Variants in EP400 observed in about 807,000 individuals in gnomAD.
The protein encoded by EP400 is E1A binding protein p400.
In EP400, 105 loss-of-function variants were observed where a neutral mutation model predicts 354.1. The ratio of observed to expected loss-of-function variants is 0.30; its 90% confidence interval spans 0.25 to 0.35. The LOEUF is 0.35. EP400 is among the 10% of genes least tolerant of loss of function. EP400 has a pLI of 1.00. For missense variants in EP400, 3,280 were observed against 4,121.0 expected (o/e 0.80, Z 5.59); for synonymous variants, 1,646 against 1,716.9 (o/e 0.96, Z 1.02).
rs1593346848 is a variant in EP400, at chr12:132,013,993, G to C, written c.3923+80G>C. The C allele has an allele frequency of 4.5e-6, 7 of 1,562,852 alleles. No individual in the cohort carries two copies. The East Asian group carries it at 1.6e-4, about 35-fold the overall frequency. ...AACGGCCCTTTCTGTGGCCTCAGCA[G>C]AAAGCTCCTTTCCGCAAGGATTGGG... On this transcript the variant is annotated intron_variant, in intron 19 of 52. Coordinates refer to ENST00000389561, the MANE Select transcript of EP400 (RefSeq NM_015409.5). This position sits in a 1 kb window ranked among gnomAD's most constrained non-coding sequence, Gnocchi z 4.5.
chr12:132,074,186 AAG>A, intron 51 of EP400, among the ~76,000 whole-genome samples: 1 of 152,048 alleles, frequency 6.6e-6, no homozygotes, highest in Non-Finnish European at 1.5e-5. Context: ...CGGCCTCCCA[AAG>A]TGCTGGGATT....
Position 132,030,040 on chromosome 12 carries a change from G to A in EP400, c.5636G>A (p.Arg1879His), listed in dbSNP as rs376569991. 1.2e-5 allele frequency: 19 copies of A among 1,614,128 alleles called. No individual in the cohort carries two copies. The highest frequency in any genetic ancestry group is 6.7e-5 in the East Asian group (3 of 44,894). The change falls in exon 29 of 53, where the codon CGT becomes CAT. Residue 1879 changes from arginine to histidine, a missense_variant. Arg to His is a conservative substitution (Grantham distance 29). Coordinates refer to ENST00000389561, the MANE Select transcript of EP400 (RefSeq NM_015409.5). ...ILLQKLKSEG[R>H]RVLILSQMIL... ...CTTCAGAAATTGAAATCTGAAGGACGTCGGGTGCTGATTTTATCACAGATG... is the reference window on the plus strand; with the variant it reads ...CTTCAGAAATTGAAATCTGAAGGACATCGGGTGCTGATTTTATCACAGATG...
rs762539758 is a variant in EP400, at chr12:132,027,512, C to G, written c.5090C>G (p.Pro1697Arg). 1 of 1,613,098 alleles carries G rather than the reference C, an allele frequency of 6.2e-7. No homozygotes were observed. The highest frequency in any genetic ancestry group is 8.5e-7 in the Non-Finnish European group (1 of 1,179,520). Residue 1697 changes from proline (P) to arginine (R), a missense_variant, in exon 26 of 53, where the codon CCC becomes CGC. Physicochemically the swap from Pro to Arg is moderately radical, Grantham distance 103. This residue lies in a region of EP400 where 459 missense variants were observed against 496.9 expected (regional missense o/e 0.92). Transcript: ENST00000389561. The surrounding 1 kb of genome is among the most constrained non-coding windows in gnomAD (Gnocchi z 4.9). The part of the protein sequence containing the change: ...EPGTASKPAS[P>R]IGGPTQEEKT... Reference sequence around the variant, plus strand: ...GGAACGGCCTCCAAACCAGCTTCTCCCATTGGAGGGCCGACCCAGGTAAGC... The same window carrying G: ...GGAACGGCCTCCAAACCAGCTTCTCGCATTGGAGGGCCGACCCAGGTAAGC...
At chr12:131,970,686 C>G (rs1392851315) in intron 2 of EP400, among the ~76,000 whole-genome samples, 3 of 152,202 alleles carry the variant, frequency 2.0e-5, no homozygotes, top group African/African-American at 7.2e-5. Context: ...GACACACACC[C>G]ACAGGTGGTG....
chr12:131,950,279 C>G (rs768555683), intron 1 of EP400, among the ~76,000 whole-genome samples: 1 of 152,116 alleles, frequency 6.6e-6, no homozygotes, highest in African/African-American at 2.4e-5. Context: ...GTCGCGCGAT[C>G]CGCGCCCATT....
chr12:132,065,255 C>T, intron 48 of EP400: 1 of 277,734 alleles, frequency 3.6e-6, no homozygotes, highest in Non-Finnish European at 6.9e-6. Flanking sequence ...TAGGCATGGG[C>T]AGGTGGCGGT....
chr12:132,017,816 C>T lies in EP400; in HGVS notation c.4110+95C>T. On this transcript the variant is annotated intron_variant, in intron 20 of 52. Coordinates refer to ENST00000389561, the MANE Select transcript of EP400 (RefSeq NM_015409.5). This position sits in a 1 kb window ranked among gnomAD's most constrained non-coding sequence, Gnocchi z 5.0. Reference sequence around the variant, plus strand: ...TTCTTGGAAATGGGTTCTCAACCAGCTCTTCTGCAATTGCAATTGCAGCTC... The same window carrying T: ...TTCTTGGAAATGGGTTCTCAACCAGTTCTTCTGCAATTGCAATTGCAGCTC... 1.5e-6 allele frequency: 2 copies of T among 1,336,234 alleles called. No individual in the cohort carries two copies. The highest frequency in any genetic ancestry group is 2.0e-6 in the Non-Finnish European group (2 of 1,001,560). The allele number at this position is 1,336,234 out of a possible 1,614,324, so 82.8% of individuals were successfully genotyped here. A position where few individuals can be genotyped will look rare whatever the true frequency, so the allele number is the denominator to read the frequency against.
chr12:131,961,014 A>G lies in EP400; in HGVS notation c.395A>G (p.Gln132Arg). The G allele has an allele frequency of 6.2e-7, 1 of 1,601,830 alleles. No individual in the cohort carries two copies. Among genetic ancestry groups the G allele is most frequent in the Non-Finnish European group, 8.5e-7 (1 of 1,174,664 alleles). ...QVTSPLSQQV[Q>R]TQSPTQPSPG... is the part of the protein sequence containing the mutation. ...ACGTCCCCCTTGTCCCAGCAGGTCC[A>G]GACCCAGAGTCCCACGCAGCCCAGT... Residue 132 changes from glutamine to arginine, a missense_variant, in exon 2 of 53, where the codon CAG becomes CGG. This residue lies in a region of EP400 where 172 missense variants were observed against 242.9 expected (regional missense o/e 0.71). Transcript: ENST00000389561.
At chr12:131,960,542 T>A in intron 1 of EP400, 43 bp from the exon 2 acceptor site, 1 of 1,487,116 alleles carries the variant, frequency 6.7e-7, no homozygotes, top group Non-Finnish European at 9.0e-7. Context: ...ATAAAACAGT[T>A]ATGTGTGCCT....
At chr12:132,026,886 G>A (rs1026341770) in intron 25 of EP400, among the ~76,000 whole-genome samples, 2 of 152,244 alleles carry the variant, frequency 1.3e-5, no homozygotes, top group African/African-American at 4.8e-5. Context: ...GCACTAAGTG[G>A]CATGGCTTCT....
At chr12:131,963,870 G>A (rs549718876) in intron 2 of EP400, among the ~76,000 whole-genome samples, 9 of 152,204 alleles carry the variant, frequency 5.9e-5, no homozygotes, top group South Asian at 2.1e-4. Flanking sequence ...CTTGTAATGC[G>A]GTAGTAGCTT....
intron 38 of EP400, 56 bp from the exon 39 acceptor site, chr12:132,045,671 A>G (rs1895071457): frequency 1.2e-6 from 2 of 1,606,190 alleles, no homozygotes; most frequent in Admixed American, 3.4e-5. Flanking sequence ...GGCAAGAGGG[A>G]AGACCTTCTG....
chr12:131,955,833 C>T (rs1341064358), intron 1 of EP400, among the ~76,000 whole-genome samples: 3 of 150,964 alleles, frequency 2.0e-5, no homozygotes, highest in African/African-American at 7.3e-5. Context: ...TTAGTAGAGA[C>T]GGGGGTTTCA....
At chr12:131,988,535 T>C (rs1288188983) in intron 7 of EP400, among the ~76,000 whole-genome samples, 1 of 152,204 alleles carries the variant, frequency 6.6e-6, no homozygotes, top group Non-Finnish European at 1.5e-5. Flanking sequence ...CTCCTGCCCT[T>C]CCTCCTGGGC....
chr12:132,018,154 TTA>T lies in EP400; in HGVS notation c.4111-55_4111-54del. ...CTGCCATAGAAATCAGTTTTGATTC[TTA>T]GGTGCTTTTTTTGCCTCTTCATGCA... On this transcript the variant is annotated intron_variant, in intron 20 of 52. Coordinates refer to ENST00000389561, the MANE Select transcript of EP400 (RefSeq NM_015409.5). This position sits in a 1 kb window ranked among gnomAD's most constrained non-coding sequence, Gnocchi z 4.0. 1 of 1,597,168 alleles carries T rather than the reference TTA, an allele frequency of 6.3e-7. No homozygotes were observed. Among genetic ancestry groups the T allele is most frequent in the South Asian group, 1.1e-5 (1 of 87,654 alleles).
Position 131,990,584 on chromosome 12 carries a change from T to C in EP400, c.2551-52T>C. ...TTTAGTGTTTTGTATGCAGAACGTC[T>C]GTAATTCCCATCCTTAGTAATGTGC... On this transcript the variant is annotated intron_variant, in intron 8 of 52. Transcript: ENST00000389561. This position sits in a 1 kb window ranked among gnomAD's most constrained non-coding sequence, Gnocchi z 4.2. 7.3e-7 allele frequency: 1 copy of C among 1,364,030 alleles called. No homozygotes were observed. The highest frequency in any genetic ancestry group is 1.0e-6 in the Non-Finnish European group (1 of 969,200). The allele number at this position is 1,364,030 out of a possible 1,614,324, so 84.5% of individuals were successfully genotyped here.
rs1303760665 is a variant in EP400, at chr12:132,055,218, G to A, written c.7884+10G>A. ...TCCTGGGGCCTTGACTGTGAGTTGC[G>A]CTTCACCTGGGTTGTGCACCTTGAC... On this transcript the variant is annotated intron_variant, in intron 45 of 52. Coordinates refer to ENST00000389561, the MANE Select transcript of EP400 (RefSeq NM_015409.5). 48 of 1,547,718 alleles carry A rather than the reference G, an allele frequency of 3.1e-5. No homozygotes were observed. Among genetic ancestry groups the A allele is most frequent in the Middle Eastern group, 1.7e-4 (1 of 5,804 alleles).
chr12:132,028,424 G>A, intron 27 of EP400, 136 bp downstream of exon 27: 1 of 1,153,410 alleles, frequency 8.7e-7, no homozygotes, highest in African/African-American at 1.5e-5. Flanking sequence ...CTGTTTTGAA[G>A]TTAGTCTTTG....
intron 23 of EP400, among the ~76,000 whole-genome samples, chr12:132,023,419 G>C (rs1281715006): frequency 3.5e-5 from 5 of 143,656 alleles, no homozygotes; most frequent in Non-Finnish European, 7.5e-5. Context: ...GCCTCCCAAA[G>C]TGCTGGGATT....
Sources: gnomAD v4.1 joint callset for allele counts (sites outside exome capture counted in the v4.1 genomes callset) on GRCh38, gnomAD v4.1.1 for gene constraint, gnomAD v4.1.1 regional missense constraint, Gnocchi (gnomAD v3.1) non-coding constraint, MANE v1.5 for transcripts, NCBI Gene and HGNC (gene_info 2026-07-23, HGNC 2026-07-21) for gene names.